The following NCL variants were observed in gnomAD, a reference collection of about 807,000 sequenced individuals.
NCL encodes the protein nucleolin multifunctional protein.
Under a neutral mutation model 77.7 loss-of-function variants are expected in NCL, and 4 were observed. The ratio of observed to expected loss-of-function variants is 0.05; its 90% CI spans 0.03 to 0.12. The LOEUF (loss-of-function observed/expected upper bound fraction) is 0.12, where lower values mean the gene tolerates loss of function less well. Ranked by LOEUF, NCL falls within the 10% of genes least tolerant of loss-of-function variation. The pLI, the probability that NCL is intolerant of heterozygous loss-of-function variation, is 1.00. For missense variants in NCL, 763 were observed against 860.9 expected (o/e 0.89, Z 1.42); for synonymous variants, 344 against 297.8 (o/e 1.16, Z -1.60).
At position 231,455,092 on chromosome 2, in the gene NCL, C is replaced by A; in HGVS notation, c.*99G>T. On this transcript the variant is annotated 3_prime_UTR_variant, in exon 14 of 14. Coordinates refer to ENST00000322723, the MANE Select transcript of NCL (RefSeq NM_005381.3). ...AGGAGACCACAGGACTGTATACTGT[C>A]TTGGAATGTCCTCAGAAGGCTCTGT... 1.5e-6 allele frequency: 2 copies of A among 1,334,426 alleles called. No individual in the cohort carries two copies. The highest frequency in any genetic ancestry group is 2.3e-5 in the East Asian group (1 of 43,584). The allele number at this position is 1,334,426 out of a possible 1,614,324, so 82.7% of individuals were successfully genotyped here.
At chr2:231,456,205 T>A in intron 11 of NCL, 69 bp from the exon 12 acceptor site, 1 of 1,581,942 alleles carries the variant, frequency 6.3e-7, no homozygotes, top group Non-Finnish European at 8.6e-7. Context: ...GCACAATGCC[T>A]AGTATGACTA....
intron 5 of NCL, 22 bp downstream of exon 5, chr2:231,460,456 A>C: frequency 6.2e-7 from 1 of 1,607,340 alleles, no homozygotes; most frequent in Non-Finnish European, 8.5e-7. Flanking sequence ...TCTCCCCCAT[A>C]TCCCCTAATT....
In NCL at chr2:231,457,604, C is replaced by T. The variant is rs2595524; in HGVS notation, c.1447+39G>A. ...TACAAAGACACAAAGGAGTTCCCTC[C>T]ACCAATTCTGAAACCTTGTAACAAG... On this transcript the variant is annotated intron_variant, in intron 9 of 13. Transcript: ENST00000322723. The T allele has an allele frequency of 3.2e-6, 5 of 1,541,352 alleles. No individual in the cohort carries two copies. The African/African-American group carries it at 6.9e-5, about 21-fold the overall frequency.
chr2:231,455,464 C>G lies in NCL; in HGVS notation c.1993G>C (p.Gly665Arg). ...CGGCCTCCTCTACCACCACCTCGTC[C>G]TCCAAAGCCGCCTCTGCCTCCACCA... ...GRGGGRGGFG[G>R]RGGGRGGRGG... Residue 665 changes from glycine to arginine, a missense_variant, in exon 13 of 14, where the codon GGA becomes CGA. Physicochemically the swap from Gly to Arg is moderately radical, Grantham distance 125. This residue lies in a region of NCL where 173 missense variants were observed against 290.4 expected (regional missense o/e 0.60). Transcript: ENST00000322723. 6.2e-7 allele frequency: 1 copy of G among 1,614,196 alleles called. No individual in the cohort carries two copies. Among genetic ancestry groups the G allele is most frequent in the South Asian group, 1.1e-5 (1 of 91,074 alleles).
At chr2:231,458,138 G>A in intron 8 of NCL, 128 bp downstream of exon 8, 2 of 1,266,446 alleles carry the variant, frequency 1.6e-6, no homozygotes, top group Non-Finnish European at 2.2e-6. Context: ...GGGTTACTGA[G>A]GCACAAACTT....
Position 231,461,907 on chromosome 2 carries a change from A to G in NCL, c.246T>C (p.Ala82=). 2 of 1,614,196 alleles carry G rather than the reference A, an allele frequency of 1.2e-6. No individual in the cohort carries two copies. The highest frequency in any genetic ancestry group is 1.7e-6 in the Non-Finnish European group (2 of 1,180,030). Residue 82 remains alanine, a synonymous_variant, in exon 3 of 14, where the codon GCT becomes GCC. Coordinates refer to ENST00000322723, the MANE Select transcript of NCL (RefSeq NM_005381.3). Reference sequence around the variant, plus strand: ...CTGCTGCCTTTTTGCCTGGAGTGACAGCTGCTTTCTTGGCTGGTGTGGCAA... The same window carrying G: ...CTGCTGCCTTTTTGCCTGGAGTGACGGCTGCTTTCTTGGCTGGTGTGGCAA... ...VAVATPAKKA[A]VTPGKKAAAT...
Position 231,454,918 on chromosome 2 carries a change from A to ATGG in NCL, c.*270_*272dup, listed in dbSNP as rs1273701127. 2.2e-5 allele frequency: 7 copies of ATGG among 324,396 alleles called. No homozygotes were observed. The highest frequency in any genetic ancestry group is 3.9e-5 in the Non-Finnish European group (7 of 179,068). The allele number at this position is 324,396 out of a possible 1,614,324, so 20.1% of individuals were successfully genotyped here. A position where few individuals can be genotyped will look rare whatever the true frequency, so the allele number is the denominator to read the frequency against. ...AAACCCAAACTATTTGTAGGAAAAAATGGTTTTGTACATGGGATGAAACAA... is the reference window on the plus strand; with the variant it reads ...AAACCCAAACTATTTGTAGGAAAAAATGGTGGTTTTGTACATGGGATGAAACAA... On this transcript the variant is annotated 3_prime_UTR_variant, in exon 14 of 14. Coordinates refer to ENST00000322723, the MANE Select transcript of NCL (RefSeq NM_005381.3).
chr2:231,455,729 A>C, intron 12 of NCL, 105 bp from the exon 13 acceptor site: 4 of 1,372,088 alleles, frequency 2.9e-6, no homozygotes, highest in Non-Finnish European at 4.1e-6. Flanking sequence ...AGCCTTGTTT[A>C]TTTGGGAAAA....
chr2:231,455,533 A>G lies in NCL; in HGVS notation c.1924T>C (p.Leu642=). The stretch of plus-strand genomic sequence containing the variant: ...TCACCCTTAGGTTTGGCCCAGTCCA[A>G]GGTAACTTTATTTCCATCAATTTCA... ...DGEIDGNKVT[L]DWAKPKGEGG... Residue 642 remains leucine (L), a synonymous_variant, in exon 13 of 14, where the codon TTG becomes CTG. Coordinates refer to ENST00000322723, the MANE Select transcript of NCL (RefSeq NM_005381.3). 6.2e-7 allele frequency: 1 copy of G among 1,614,182 alleles called. No homozygotes were observed. The highest frequency in any genetic ancestry group is 8.5e-7 in the Non-Finnish European group (1 of 1,180,022).
chr2:231,455,990 C>G lies in NCL; in HGVS notation c.1832+20G>C, dbSNP rs960229822. On this transcript the variant is annotated intron_variant, in intron 12 of 13. Coordinates refer to ENST00000322723, the MANE Select transcript of NCL (RefSeq NM_005381.3). Reference sequence around the variant, plus strand: ...AAAACCCCTTCAAGTGGAAGCAGCACTCACGCTTCCTTCCCTTACCCTTTG... The same window carrying G: ...AAAACCCCTTCAAGTGGAAGCAGCAGTCACGCTTCCTTCCCTTACCCTTTG... 2 of 1,614,208 alleles carry G rather than the reference C, an allele frequency of 1.2e-6. No individual in the cohort carries two copies. The highest frequency in any genetic ancestry group is 1.7e-6 in the Non-Finnish European group (2 of 1,180,030).
chr2:231,462,320 T>C (rs1030802200), intron 2 of NCL, among the ~76,000 whole-genome samples: 5 of 152,176 alleles, frequency 3.3e-5, no homozygotes, highest in African/African-American at 1.2e-4. Context: ...AAAATGGTAA[T>C]AGTATCATCC....
chr2:231,461,412 A>G (rs2046948602), intron 3 of NCL, 128 bp downstream of exon 3: 2 of 1,461,764 alleles, frequency 1.4e-6, no homozygotes, highest in Admixed American at 2.2e-5. Context: ...GCACACCACA[A>G]CAACCCAGAG....
In NCL at chr2:231,455,068, G is replaced by A. The variant is rs2046870949; in HGVS notation, c.*123C>T. Reference sequence around the variant, plus strand: ...AAATGTTAACTAGACGGATTTCCAAGGAGACCACAGGACTGTATACTGTCT... The same window carrying A: ...AAATGTTAACTAGACGGATTTCCAAAGAGACCACAGGACTGTATACTGTCT... On this transcript the variant is annotated 3_prime_UTR_variant, in exon 14 of 14. Coordinates refer to ENST00000322723, the MANE Select transcript of NCL (RefSeq NM_005381.3). The A allele has an allele frequency of 1.9e-6, 2 of 1,038,800 alleles. No homozygotes were observed. The highest frequency in any genetic ancestry group is 3.2e-5 in the African/African-American group (2 of 62,550). The allele number at this position is 1,038,800 out of a possible 1,614,324, so 64.3% of individuals were successfully genotyped here. A position where few individuals can be genotyped will look rare whatever the true frequency, so the allele number is the denominator to read the frequency against.
chr2:231,460,623 C>G, intron 4 of NCL, 46 bp downstream of exon 4: 1 of 1,614,128 alleles, frequency 6.2e-7, no homozygotes, highest in Non-Finnish European at 8.5e-7. Flanking sequence ...TTAAGTGCCT[C>G]CTTTAAACAT....
intron 10 of NCL, 54 bp from the exon 11 acceptor site, chr2:231,456,818 C>A (rs539375826): frequency 1.2e-6 from 2 of 1,605,146 alleles, no homozygotes; most frequent in Non-Finnish European, 1.7e-6. Context: ...TGCTCCTTCA[C>A]TGTCACATGA....
chr2:231,458,225 A>T (rs1311463078), intron 8 of NCL, 41 bp downstream of exon 8: 4 of 1,588,948 alleles, frequency 2.5e-6, no homozygotes, highest in Non-Finnish European at 3.4e-6. Flanking sequence ...AAAGTGCATT[A>T]ATGTTAATAA....
rs367812102 is a variant in NCL, at chr2:231,454,072, G to A, written c.*1119C>T. 3.9e-5 allele frequency: 6 copies of A among 152,186 alleles called. No homozygotes were observed. Among genetic ancestry groups the A allele is most frequent in the African/African-American group, 1.4e-4 (6 of 41,418 alleles). 9.4% of individuals were successfully genotyped at this position (152,186 alleles called of 1,614,324 possible). ...GTGCAGAACAAATGGCTTTTTGGGG[G>A]TTTACTGGATGGGCAGTTTCCTCCC... is the stretch of plus-strand genomic sequence containing the variant. On this transcript the variant is annotated 3_prime_UTR_variant, in exon 14 of 14. Transcript: ENST00000322723.
intron 3 of NCL, 93 bp from the exon 4 acceptor site, chr2:231,460,959 TGTTTA>T: frequency 2.9e-6 from 3 of 1,052,052 alleles, no homozygotes; most frequent in East Asian, 2.4e-5. Context: ...CCTGTCACCA[TGTTTA>T]GTTAACAGTC....
At chr2:231,464,152 C>A (rs1156447136) in intron 1 of NCL, 184 bp downstream of exon 1, 4 of 1,413,286 alleles carry the variant, frequency 2.8e-6, no homozygotes, top group Admixed American at 2.7e-5. Context: ...CCTGCAGAAG[C>A]TCTTCACCTC....
Sources: gnomAD v4.1 joint callset for allele counts (sites outside exome capture counted in the v4.1 genomes callset) on GRCh38, gnomAD v4.1.1 for gene constraint, gnomAD v4.1.1 regional missense constraint, MANE v1.5 for transcripts, NCBI Gene and HGNC (gene_info 2026-07-23, HGNC 2026-07-21) for gene names.